The following ERBB4 variants were observed in gnomAD, a reference collection of about 807,000 sequenced individuals.
ERBB4 encodes receptor tyrosine-protein kinase erbB-4.
ERBB4 carries 42 observed loss-of-function variants against 158.0 expected under a neutral mutation model. The ratio of observed to expected loss-of-function variants is 0.27; its 90% CI spans 0.21 to 0.34. The LOEUF (loss-of-function observed/expected upper bound fraction) is 0.34. Ranked by LOEUF, ERBB4 falls within the 10% of genes least tolerant of loss-of-function variation. ERBB4 has a pLI of 1.00. For missense variants in ERBB4, 1,333 were observed against 1,624.1 expected (o/e 0.82, Z 3.08); for synonymous variants, 583 against 558.7 (o/e 1.04, Z -0.61).
chr2:211,826,247 T>A (rs558819355), intron 3 of ERBB4, among the ~76,000 whole-genome samples: 140 of 151,874 alleles, frequency 9.2e-4, no homozygotes, highest in African/African-American at 3.0e-3. Context: ...TTGCTTTTTT[T>A]AAAAAAATCC....
At chr2:211,773,463 C>T (rs1034584531) in intron 4 of ERBB4, among the ~76,000 whole-genome samples, 4 of 148,754 alleles carry the variant, frequency 2.7e-5, no homozygotes, top group African/African-American at 7.4e-5. Flanking sequence ...ATGATGAATA[C>T]GAGGACTAAG....
intron 1 of ERBB4, among the ~76,000 whole-genome samples, chr2:212,318,332 A>G (rs2087390072): frequency 6.6e-6 from 1 of 151,542 alleles, no homozygotes; most frequent in Non-Finnish European, 1.5e-5. Flanking sequence ...TGTAATCAGC[A>G]TTTCTTTCAT....
At chr2:211,831,884 C>A (rs918276992) in intron 3 of ERBB4, among the ~76,000 whole-genome samples, 3 of 150,650 alleles carry the variant, frequency 2.0e-5, no homozygotes, top group Non-Finnish European at 4.4e-5. Flanking sequence ...ACCTGGGCAA[C>A]AACAGCGAGA....
chr2:211,786,720 A>G (rs1046588637), intron 4 of ERBB4, among the ~76,000 whole-genome samples: 1 of 152,192 alleles, frequency 6.6e-6, no homozygotes, highest in Admixed American at 6.5e-5. Flanking sequence ...TCAGTCTGAT[A>G]AGCTGAGAGT....
intron 1 of ERBB4, among the ~76,000 whole-genome samples, chr2:212,211,616 C>G (rs1274170768): frequency 1.8e-5 from 1 of 56,062 alleles, no homozygotes; most frequent in Non-Finnish European, 3.8e-5. Context: ...AAAAATTTAT[C>G]TAAAAAAAAA....
At chr2:211,804,743 G>T (rs1349353711) in intron 3 of ERBB4, among the ~76,000 whole-genome samples, 1 of 151,918 alleles carries the variant, frequency 6.6e-6, no homozygotes, top group East Asian at 1.9e-4. Flanking sequence ...AATTTAAAGA[G>T]ACCTGGGCTC....
chr2:211,486,088 T>G (rs912740649), intron 20 of ERBB4, among the ~76,000 whole-genome samples: 5 of 152,126 alleles, frequency 3.3e-5, no homozygotes, highest in African/African-American at 1.2e-4. Context: ...TATAACAAGA[T>G]ATTATAACTA....
chr2:211,701,971 A>G lies in ERBB4; in HGVS notation c.1485T>C (p.Asn495=), dbSNP rs199540798. 6.2e-7 allele frequency: 1 copy of G among 1,611,774 alleles called. No homozygotes were observed. Among genetic ancestry groups the G allele is most frequent in the East Asian group, 2.2e-5 (1 of 44,856 alleles). Residue 495 remains asparagine, a synonymous_variant, in exon 12 of 28, where the codon AAT becomes AAC. Coordinates refer to ENST00000342788, the MANE Select transcript of ERBB4 (RefSeq NM_005235.3). ...IVIRDNRKAE[N]CTAEGMVCNH... is the part of the protein sequence containing the mutation. Reference sequence around the variant, plus strand: ...ATGTCTGAGTAATGTACTTACTACAATTTTCAGCTTTTCTGTTGTCCCGGA... The same window carrying G: ...ATGTCTGAGTAATGTACTTACTACAGTTTTCAGCTTTTCTGTTGTCCCGGA...
intron 3 of ERBB4, among the ~76,000 whole-genome samples, chr2:211,820,374 T>A (rs143351179): frequency 1.2e-3 from 189 of 151,916 alleles, no homozygotes; most frequent in African/African-American, 4.4e-3. Context: ...CTACCAAGAT[T>A]GAGCCAAGAA....
intron 1 of ERBB4, among the ~76,000 whole-genome samples, chr2:212,247,692 G>A (rs1049103167): frequency 6.6e-6 from 1 of 152,088 alleles, no homozygotes; most frequent in Non-Finnish European, 1.5e-5. Context: ...GGCCGGGAGC[G>A]GTGGCTCATG....
intron 3 of ERBB4, among the ~76,000 whole-genome samples, chr2:211,878,832 A>G (rs2078586265): frequency 6.6e-6 from 1 of 152,116 alleles, no homozygotes; most frequent in South Asian, 2.1e-4. Context: ...AAAAAAACAA[A>G]AAACAAAAAT....
chr2:212,177,100 AATC>A (rs1292365629), intron 1 of ERBB4, among the ~76,000 whole-genome samples: 1 of 151,908 alleles, frequency 6.6e-6, no homozygotes, highest in African/African-American at 2.4e-5. Context: ...TTTCATTTGT[AATC>A]ATCATATTAA....
At chr2:212,020,510 A>C (rs2076625246) in intron 2 of ERBB4, among the ~76,000 whole-genome samples, 1 of 152,038 alleles carries the variant, frequency 6.6e-6, no homozygotes, top group Non-Finnish European at 1.5e-5. Flanking sequence ...AGCTAGGTTA[A>C]CTTATATATC....
At chr2:212,497,949 G>T (rs896405343) in intron 1 of ERBB4, among the ~76,000 whole-genome samples, 1 of 152,072 alleles carries the variant, frequency 6.6e-6, no homozygotes, top group Admixed American at 6.6e-5. Flanking sequence ...TACTAAATTT[G>T]TAACAATAAA....
At chr2:211,758,901 A>T (rs2075345073) in intron 4 of ERBB4, among the ~76,000 whole-genome samples, 1 of 152,208 alleles carries the variant, frequency 6.6e-6, no homozygotes, top group Non-Finnish European at 1.5e-5. Context: ...CAAAATTTGT[A>T]TGTCCAGTCT....
At chr2:211,866,047 C>T (rs1003112175) in intron 3 of ERBB4, among the ~76,000 whole-genome samples, 5 of 152,046 alleles carry the variant, frequency 3.3e-5, no homozygotes, top group South Asian at 2.1e-4. Flanking sequence ...ATCAGGAGAA[C>T]GAGACCATCC....
At chr2:212,531,870 T>C (rs2106344668) in intron 1 of ERBB4, among the ~76,000 whole-genome samples, 1 of 152,320 alleles carries the variant, frequency 6.6e-6, no homozygotes, top group Non-Finnish European at 1.5e-5. Flanking sequence ...TATAGAACGA[T>C]GTCTTTAAAA....
chr2:211,658,454 G>A (rs1194326919), intron 15 of ERBB4, among the ~76,000 whole-genome samples: 1 of 152,078 alleles, frequency 6.6e-6, no homozygotes, highest in East Asian at 1.9e-4. Context: ...CTCATTAAAG[G>A]TTGATTTTGG....
rs78434316 is a variant in ERBB4, at chr2:212,473,101, C to T, written c.82+65348G>A. Among the ~76,000 whole-genome samples the T allele has an allele frequency of 1.6e-4, 24 of 151,934 alleles. No individual in the cohort carries two copies. The East Asian group carries it at 4.2e-3, about 27-fold the overall frequency. ...CCAGGTAGAGAGAAAAAATGGAGACCTGTCAATTCTGATGATGTTCATTTT... is the reference window on the plus strand; with the variant it reads ...CCAGGTAGAGAGAAAAAATGGAGACTTGTCAATTCTGATGATGTTCATTTT... On this transcript the variant is annotated intron_variant, in intron 1 of 27. Transcript: ENST00000342788.
Sources: allele counts gnomAD v4.1 joint callset (sites outside exome capture counted in the v4.1 genomes callset), GRCh38; gene constraint gnomAD v4.1.1; transcripts MANE v1.5; gene names NCBI Gene and HGNC (gene_info 2026-07-23, HGNC 2026-07-21).